The following ZNF438 variants were observed in gnomAD, a reference collection of about 807,000 sequenced individuals.
The protein encoded by ZNF438 is zinc finger protein 438.
Under a neutral mutation model 38.0 loss-of-function variants are expected in ZNF438, and 25 were observed. That is an observed-to-expected ratio of 0.66 (90% CI 0.48 to 0.92). ZNF438 has a LOEUF of 0.92. ZNF438 is among the 40% of genes least tolerant of loss of function. The pLI is 0.00. For synonymous variants in ZNF438, 372 were observed against 364.1 expected (o/e 1.02, Z -0.25); for missense variants, 1,007 against 999.6 (o/e 1.01, Z -0.10).
At chr10:30,874,734 AAGG>A (rs1471609471) in intron 4 of ZNF438, among the ~76,000 whole-genome samples, 2 of 151,700 alleles carry the variant, frequency 1.3e-5, no homozygotes, top group Non-Finnish European at 2.9e-5. Flanking sequence ...ATGAGAGAAA[AAGG>A]AGATGATCAA....
intron 1 of ZNF438, among the ~76,000 whole-genome samples, chr10:30,955,381 T>A (rs947924590): frequency 1.3e-5 from 2 of 152,228 alleles, no homozygotes. Context: ...CTGGAAGAAC[T>A]CTGTGACTCC....
chr10:30,885,012 G>A (rs1247290411), intron 3 of ZNF438, among the ~76,000 whole-genome samples: 1 of 152,192 alleles, frequency 6.6e-6, no homozygotes. Context: ...GTGGCCACCA[G>A]TCACAGAGTT....
intron 1 of ZNF438, among the ~76,000 whole-genome samples, chr10:30,971,764 A>G (rs2050762562): frequency 6.6e-6 from 1 of 152,154 alleles, no homozygotes; most frequent in Non-Finnish European, 1.5e-5. Flanking sequence ...CCTAATTGCT[A>G]TATTAAAAAT....
chr10:30,910,183 A>G (rs2134525012), intron 2 of ZNF438, among the ~76,000 whole-genome samples: 1 of 152,158 alleles, frequency 6.6e-6, no homozygotes, highest in East Asian at 1.9e-4. Flanking sequence ...GTAAAGGGGG[A>G]AGAAGATTCA....
chr10:30,973,922 C>A (rs534532619), intron 1 of ZNF438, among the ~76,000 whole-genome samples: 1 of 152,236 alleles, frequency 6.6e-6, no homozygotes, highest in Non-Finnish European at 1.5e-5. Context: ...GCTCAACTTA[C>A]AACAGATAGC....
chr10:30,971,445 T>A (rs2050731381), intron 1 of ZNF438, among the ~76,000 whole-genome samples: 1 of 152,068 alleles, frequency 6.6e-6, no homozygotes, highest in Admixed American at 6.6e-5. Context: ...AGAAGACAAT[T>A]TGGAAGAATA....
chr10:30,969,165 A>C (rs969065272), intron 1 of ZNF438, among the ~76,000 whole-genome samples: 3 of 152,184 alleles, frequency 2.0e-5, no homozygotes, highest in Admixed American at 2.0e-4. Flanking sequence ...AAATAAAAGA[A>C]TATGGAGATG....
Position 31,003,867 on chromosome 10 carries a change from C to A in ZNF438, c.-192+27966G>T, listed in dbSNP as rs1037712581. 1.3e-5 allele frequency among the ~76,000 whole-genome samples: 2 copies of A among 152,206 alleles called. 1 individual carries two copies. Among genetic ancestry groups the A allele is most frequent in the Non-Finnish European group, 2.9e-5 (2 of 68,006 alleles). ...AAGCCTCCAATGGCTTTTATTGGTA[C>A]CTCCAATGCAAGATCATAAATAATC... On this transcript the variant is annotated intron_variant, in intron 1 of 5. Transcript: ENST00000413025.
At chr10:30,920,019 CCT>C (rs2044111542) in intron 2 of ZNF438, 1 of 152,172 alleles carries the variant, frequency 6.6e-6, no homozygotes, top group Non-Finnish European at 1.5e-5. Flanking sequence ...GTTTGAGGCT[CCT>C]CTGTTTTCAA....
intron 1 of ZNF438, among the ~76,000 whole-genome samples, chr10:30,947,053 C>T (rs745496906): frequency 3.3e-5 from 5 of 152,104 alleles, no homozygotes; most frequent in Non-Finnish European, 7.3e-5. Context: ...AATCTAACTA[C>T]TGTAGGACTG....
chr10:31,022,273 T>C (rs2056651623), intron 1 of ZNF438, among the ~76,000 whole-genome samples: 1 of 151,986 alleles, frequency 6.6e-6, no homozygotes, highest in Non-Finnish European at 1.5e-5. Context: ...TTTTTTTTCT[T>C]TTTTTTGAGA....
chr10:30,844,893 T>C (rs753046074), exon 6 of ZNF438: 47 of 1,546,004 alleles, frequency 3.0e-5, no homozygotes, highest in Non-Finnish European at 4.0e-5. Context: ...AGCACCACCA[T>C]AAAGCACGAA....
chr10:30,845,692 TG>T (rs2031852519), intron 5 of ZNF438, 119 bp from the exon 7 acceptor site: 1 of 1,264,234 alleles, frequency 7.9e-7, no homozygotes, highest in African/African-American at 1.5e-5. Flanking sequence ...AGACAAGGGC[TG>T]GGGTAAACAG....
rs373146560 is a variant in ZNF438 at position 30,935,158 on chromosome 10, T to A, written c.-115+6417A>T. On this transcript the variant is annotated intron_variant, in intron 2 of 5. Transcript: ENST00000413025. ...CAAATGGTTGGTAAAGCAGGTTTTA[T>A]CTCCATATTACAGATGAGGAAACTC... Among the ~76,000 whole-genome samples the A allele has an allele frequency of 1.8e-4, 27 of 152,380 alleles. 1 individual carries two copies. In the East Asian group the frequency reaches 3.9e-3, roughly 22 times the overall value.
intron 3 of ZNF438, among the ~76,000 whole-genome samples, chr10:30,888,827 A>G (rs139853472): frequency 9.8e-5 from 15 of 152,340 alleles, no homozygotes; most frequent in African/African-American, 3.1e-4. Context: ...TAGTGCTGCA[A>G]TGAACATATG....
chr10:30,998,630 T>C (rs907568647), intron 1 of ZNF438, among the ~76,000 whole-genome samples: 1 of 148,546 alleles, frequency 6.7e-6, no homozygotes, highest in African/African-American at 2.5e-5. Flanking sequence ...ATGAAGACGA[T>C]TATGATCATA....
intron 4 of ZNF438, 148 bp from the exon 6 acceptor site, chr10:30,850,515 A>G (rs1328526511): frequency 1.2e-6 from 1 of 818,042 alleles, no homozygotes; most frequent in Non-Finnish European, 1.8e-6. Context: ...GTCCCTCAAG[A>G]CCAGCTTGAA....
intron 1 of ZNF438, among the ~76,000 whole-genome samples, chr10:31,007,280 T>G (rs1776633): frequency 0.35 from 49,077 of 141,230 alleles, 8,655 homozygotes; most frequent in South Asian, 0.42. Context: ...TTTGGTGTTT[T>G]TTTTTTTTTT....
At chr10:30,864,145 C>T (rs1462818878) in intron 4 of ZNF438, among the ~76,000 whole-genome samples, 1 of 152,180 alleles carries the variant, frequency 6.6e-6, no homozygotes, top group Non-Finnish European at 1.5e-5. Context: ...TATTTGTAAA[C>T]TCCCTTTTTG....
Sources: allele counts gnomAD v4.1 joint callset (sites outside exome capture counted in the v4.1 genomes callset), GRCh38; gene constraint gnomAD v4.1.1; transcripts MANE v1.5; gene names NCBI Gene and HGNC (gene_info 2026-07-23, HGNC 2026-07-21).